ITGB5: variants seen among roughly 807,000 people sequenced by gnomAD.
ITGB5 encodes the protein integrin subunit beta 5.
ITGB5 carries 38 observed loss-of-function variants against 84.8 expected under a neutral mutation model. The observed-to-expected ratio is 0.45, with a 90% CI of 0.35 to 0.59. ITGB5 has a LOEUF of 0.59. Among genes scored for constraint, ITGB5 ranks in the 20% least tolerant of loss-of-function variants. The probability of loss-of-function intolerance (pLI) is 0.01; values close to 1 mark genes in which losing one functional copy is unlikely to be tolerated. For missense variants in ITGB5, 905 were observed against 1,034.5 expected, an observed-to-expected ratio of 0.87 and a Z score of 1.72; for synonymous variants, 393 against 414.4, an observed-to-expected ratio of 0.95 and a Z score of 0.63.
At chr3:124,776,634 G>A (rs950646369) in intron 10 of ITGB5, among the ~76,000 whole-genome samples, 1 of 152,162 alleles carries the variant, frequency 6.6e-6, no homozygotes, top group African/African-American at 2.4e-5. Flanking sequence ...TGCACTCCAA[G>A]GGTAGACTTA....
At chr3:124,841,244 T>C (rs2065005998) in intron 5 of ITGB5, 139 bp downstream of exon 5, 1 of 742,600 alleles carries the variant, frequency 1.3e-6, no homozygotes, top group East Asian at 2.7e-5. Flanking sequence ...GAAGTTCCAC[T>C]GAGCTCACCC....
At chr3:124,813,595 TAC>T (rs752091664) in intron 8 of ITGB5, among the ~76,000 whole-genome samples, 35 of 152,322 alleles carry the variant, frequency 2.3e-4, no homozygotes, top group Non-Finnish European at 4.4e-4. Context: ...ACAGTTTGTT[TAC>T]ACTTACCCAC....
At chr3:124,840,427 AAG>A (rs2064994358) in intron 5 of ITGB5, among the ~76,000 whole-genome samples, 1 of 147,446 alleles carries the variant, frequency 6.8e-6, no homozygotes, top group South Asian at 2.2e-4. Context: ...TAGTGAATTT[AAG>A]AGTGTTTTTT....
intron 3 of ITGB5, among the ~76,000 whole-genome samples, chr3:124,850,286 T>C (rs2065133243): frequency 6.6e-6 from 1 of 151,596 alleles, no homozygotes; most frequent in Non-Finnish European, 1.5e-5. Flanking sequence ...TGGGCCACGG[T>C]TTCTTGAAAT....
At chr3:124,891,465 A>C (rs1057193592), upstream of ITGB5, among the ~76,000 whole-genome samples, 5 of 151,938 alleles carry the variant, frequency 3.3e-5, no homozygotes, top group African/African-American at 1.2e-4. Flanking sequence ...CGATTGCTGG[A>C]GGCCAGGAGT....
At chr3:124,797,903 C>A (rs1355051687) in intron 9 of ITGB5, among the ~76,000 whole-genome samples, 2 of 152,064 alleles carry the variant, frequency 1.3e-5, no homozygotes, top group African/African-American at 4.8e-5. Context: ...CAGACAGAGG[C>A]CCGGCCCACC....
intron 4 of ITGB5, among the ~76,000 whole-genome samples, chr3:124,847,603 G>T (rs2065094920): frequency 6.6e-6 from 1 of 152,208 alleles, no homozygotes; most frequent in South Asian, 2.1e-4. Context: ...GCCATGTGTG[G>T]AAGATGGTAA....
At chr3:124,775,586 T>A (rs1440851790) in intron 10 of ITGB5, among the ~76,000 whole-genome samples, 3 of 152,222 alleles carry the variant, frequency 2.0e-5, no homozygotes, top group Non-Finnish European at 1.5e-5. Flanking sequence ...ATTATTTTTT[T>A]CCCTAATGCC....
chr3:124,819,680 A>C (rs1055817008), intron 7 of ITGB5, 59 bp downstream of exon 7: 1 of 1,229,584 alleles, frequency 8.1e-7, no homozygotes, highest in Non-Finnish European at 1.2e-6. Flanking sequence ...AGAGTTGTAA[A>C]CACTCCTCAC....
intron 3 of ITGB5, chr3:124,857,196 C>G (rs951395246): frequency 6.6e-6 from 1 of 152,238 alleles, no homozygotes; most frequent in African/African-American, 2.4e-5. Flanking sequence ...ACAATGATAA[C>G]CACAGCAACA....
intron 1 of ITGB5, among the ~76,000 whole-genome samples, chr3:124,894,128 A>ATTTTTATTTTTTTT (rs1464038480): frequency 3.2e-5 from 2 of 61,950 alleles, no homozygotes; most frequent in Non-Finnish European, 6.9e-5. Context: ...AAGTTGTGAT[A>ATTTTTATTTTTTTT]TTTTTCTTTT....
chr3:124,861,206 T>C (rs376166836), intron 2 of ITGB5, among the ~76,000 whole-genome samples: 1 of 152,112 alleles, frequency 6.6e-6, no homozygotes, highest in Admixed American at 6.5e-5. Flanking sequence ...TTAATAACGA[T>C]TTTTTATTTG....
At chr3:124,774,741 G>A (rs2063898006) in intron 10 of ITGB5, among the ~76,000 whole-genome samples, 1 of 152,080 alleles carries the variant, frequency 6.6e-6, no homozygotes, top group Non-Finnish European at 1.5e-5. Context: ...CCTGCCCAGG[G>A]ACCCGAAACC....
At chr3:124,863,371 C>G (rs2065332930) in intron 2 of ITGB5, 1 of 152,118 alleles carries the variant, frequency 6.6e-6, no homozygotes, top group Non-Finnish European at 1.5e-5. Flanking sequence ...TATTTTTGAC[C>G]CGATAAGGAA....
chr3:124,846,207 C>T (rs1346806511), intron 4 of ITGB5, among the ~76,000 whole-genome samples: 1 of 152,138 alleles, frequency 6.6e-6, no homozygotes, highest in African/African-American at 2.4e-5. Context: ...GCTCCTATCA[C>T]CCAGCCCAAC....
In ITGB5 at chr3:124,861,495, T is replaced by TATATATATATACAC. The variant is rs750712591; in HGVS notation, c.157-2050_157-2049insGTGTATATATATAT. On this transcript the variant is annotated intron_variant, in intron 2 of 14. Transcript: ENST00000296181. Reference sequence around the variant, plus strand: ...ACAAAACAAAACATATATATATATATACACACACACACACACACACACACA... The same window carrying TATATATATATACAC: ...ACAAAACAAAACATATATATATATATATATATATATACACACACACACACACACACACACACACA... Among the ~76,000 whole-genome samples the TATATATATATACAC allele has an allele frequency of 5.4e-3, 600 of 111,942 alleles. 2 individuals carry two copies. Among genetic ancestry groups the TATATATATATACAC allele is most frequent in the Non-Finnish European group, 8.2e-3 (486 of 59,610 alleles). The allele number at this position is 111,942 out of a possible 152,430, so 73.4% of individuals were successfully genotyped here.
intron 5 of ITGB5, among the ~76,000 whole-genome samples, chr3:124,831,385 G>C (rs1340537058): frequency 2.0e-5 from 3 of 152,162 alleles, no homozygotes; most frequent in Non-Finnish European, 4.4e-5. Context: ...ACTGGCTCAT[G>C]TTAAGCCTGG....
chr3:124,764,485 G>A lies in ITGB5; in HGVS notation c.2210C>T (p.Ala737Val), dbSNP rs867543713. 5 of 1,613,988 alleles carry A rather than the reference G, an allele frequency of 3.1e-6. No homozygotes were observed. In the African/African-American group the frequency reaches 4.0e-5, roughly 13 times the overall value. Residue 737 changes from alanine to valine, a missense_variant, in exon 14 of 15, where the codon GCA becomes GTA. By Grantham distance (64) the Ala-to-Val change is moderately conservative (BLOSUM62 0). Around this residue, in one of 3 missense-constraint regions of ITGB5, gnomAD observed 133 missense variants for 122.8 expected, o/e 1.08. Coordinates refer to ENST00000296181, the MANE Select transcript of ITGB5 (RefSeq NM_002213.5). The part of the protein sequence containing the change: ...VVGSILLVGL[A>V]LLAIWKLLVT... ...AAGCAGCTTCCAGATAGCCAGGAGT[G>A]CAAGCCCAACAAGGAGGATGCTACC...
chr3:124,792,115 T>C (rs1435091617), intron 10 of ITGB5: 1 of 152,194 alleles, frequency 6.6e-6, no homozygotes, highest in Non-Finnish European at 1.5e-5. Flanking sequence ...TTCAACTAGT[T>C]GTTGCTTTTA....
Sources: gnomAD v4.1 joint callset for allele counts (sites outside exome capture counted in the v4.1 genomes callset) on GRCh38, gnomAD v4.1.1 for gene constraint, gnomAD v4.1.1 regional missense constraint, MANE v1.5 for transcripts, NCBI Gene and HGNC (gene_info 2026-07-23, HGNC 2026-07-21) for gene names.